DENND5B: variants seen among roughly 807,000 people sequenced by gnomAD.
DENND5B encodes DENN domain containing 5B.
A neutral mutation model predicts 140.6 loss-of-function variants in DENND5B; 34 were observed. That is an observed-to-expected ratio of 0.24 (90% CI 0.18 to 0.32). The LOEUF is 0.32. Among genes scored for constraint, DENND5B ranks in the 10% least tolerant of loss-of-function variants. DENND5B has a pLI of 1.00. For synonymous variants in DENND5B, 551 were observed against 562.1 expected, an observed-to-expected ratio of 0.98 and a Z score of 0.28; for missense variants, 1,142 against 1,560.2, an observed-to-expected ratio of 0.73 and a Z score of 4.52.
At chr12:31,540,869 C>G (rs1204815348) in intron 1 of DENND5B, 3 of 328,794 alleles carry the variant, frequency 9.1e-6, no homozygotes, top group East Asian at 1.7e-4. Context: ...ACCAGTGAAA[C>G]AGTCTAATAA....
rs565569231 is a variant in DENND5B, at chr12:31,523,049, C to CT, written c.128-27131dup. 4.6e-4 allele frequency among the ~76,000 whole-genome samples: 67 copies of CT among 146,098 alleles called. No individual in the cohort carries two copies. The South Asian group carries it at 5.7e-3, about 12-fold the overall frequency. On this transcript the variant is annotated intron_variant, in intron 1 of 20. Coordinates refer to ENST00000389082, the MANE Select transcript of DENND5B (RefSeq NM_144973.4). ...AGGAGGGAAGGTGAGATAAATGTGC[C>CT]TTTTTTTTTCCTTTTTTTTTTTTTT...
intron 1 of DENND5B, among the ~76,000 whole-genome samples, chr12:31,564,802 T>C (rs150748701): frequency 2.5e-4 from 38 of 151,574 alleles, no homozygotes; most frequent in African/African-American, 9.0e-4. Flanking sequence ...TTGCCCAGGC[T>C]GGTCTCACAC....
At chr12:31,571,378 T>C (rs1565707220) in intron 1 of DENND5B, among the ~76,000 whole-genome samples, 1 of 151,912 alleles carries the variant, frequency 6.6e-6, no homozygotes, top group Non-Finnish European at 1.5e-5. Context: ...CCCCTTTCCA[T>C]AGAAAAAAAA....
rs1438969950 is a variant in DENND5B, at chr12:31,439,926, T to C, written c.2012+2849A>G. Among the ~76,000 whole-genome samples, 4 of 36,042 alleles carry C rather than the reference T, an allele frequency of 1.1e-4. No individual in the cohort carries two copies. In the Admixed American group the frequency reaches 2.1e-3, roughly 19 times the overall value. The allele number at this position is 36,042 out of a possible 152,430, so 23.6% of individuals were successfully genotyped here. The stretch of plus-strand genomic sequence containing the variant: ...GCCTGGGCAACAGAGGGAGACTCCG[T>C]CTCAAAAAAAAAAAAAAAAAAAAAA... On this transcript the variant is annotated intron_variant, in intron 7 of 20. Transcript: ENST00000389082.
At chr12:31,494,181 T>C (rs76913516) in intron 2 of DENND5B, among the ~76,000 whole-genome samples, 4,731 of 84,564 alleles carry the variant, frequency 0.056, 78 homozygotes, top group East Asian at 0.086. Flanking sequence ...TCTATCTATC[T>C]ATCCATCCAT....
chr12:31,430,241 TC>T (rs1465480200), intron 8 of DENND5B, among the ~76,000 whole-genome samples: 1 of 148,396 alleles, frequency 6.7e-6, no homozygotes, highest in Non-Finnish European at 1.5e-5. Context: ...CAGGCTGGAC[TC>T]GAACTCTTGT....
intron 6 of DENND5B, among the ~76,000 whole-genome samples, chr12:31,445,264 T>TA (rs1944226966): frequency 1.3e-5 from 2 of 152,350 alleles, no homozygotes; most frequent in South Asian, 4.1e-4. Flanking sequence ...AACATGATGT[T>TA]AAGGCTTCCT....
At chr12:31,490,156 G>A (rs1946468959) in intron 2 of DENND5B, among the ~76,000 whole-genome samples, 1 of 151,738 alleles carries the variant, frequency 6.6e-6, no homozygotes, top group South Asian at 2.1e-4. Flanking sequence ...AAGACTGGTG[G>A]GACGAATAAT....
At position 31,479,664 on chromosome 12, in the gene DENND5B, G is replaced by T; in HGVS notation, c.829C>A (p.Leu277Ile). The change falls in exon 3 of 21, where the codon CTC becomes ATC. Residue 277 changes from leucine to isoleucine, a missense_variant. Around this residue, in one of 5 missense-constraint regions of DENND5B, gnomAD observed 708 missense variants for 905.5 expected, o/e 0.78. Coordinates refer to ENST00000389082, the MANE Select transcript of DENND5B (RefSeq NM_144973.4). ...TGCACCAGGTTCTCTAATCCCAGGA[G>T]CTCAAATGCCTCCCGAAGGGGGTAA... ...SDYPLREAFELLGLENLVQVF... is the reference protein window; with the variant it reads ...SDYPLREAFEILGLENLVQVF... 1 of 1,575,370 alleles carries T rather than the reference G, an allele frequency of 6.3e-7. No homozygotes were observed. The highest frequency in any genetic ancestry group is 8.6e-7 in the Non-Finnish European group (1 of 1,161,322).
At chr12:31,402,249 G>C (rs1156897394) in intron 15 of DENND5B, among the ~76,000 whole-genome samples, 1 of 151,686 alleles carries the variant, frequency 6.6e-6, no homozygotes, top group Non-Finnish European at 1.5e-5. Context: ...AAAATAGTAG[G>C]AGAAGACCTA....
intron 13 of DENND5B, among the ~76,000 whole-genome samples, chr12:31,411,728 C>T (rs1051154365): frequency 1.3e-5 from 2 of 152,136 alleles, no homozygotes; most frequent in African/African-American, 4.8e-5. Flanking sequence ...ACACTTCATG[C>T]TTTATCAAAC....
At chr12:31,493,350 T>A (rs73295676) in intron 2 of DENND5B, among the ~76,000 whole-genome samples, 17,066 of 152,230 alleles carry the variant, frequency 0.11, 1,139 homozygotes, top group East Asian at 0.25. Flanking sequence ...TTAATTTCCT[T>A]CTGTTAGATT....
At chr12:31,460,508 T>A (rs1046508142) in intron 3 of DENND5B, 127 bp from the exon 4 acceptor site, 1 of 831,172 alleles carries the variant, frequency 1.2e-6, no homozygotes, top group Non-Finnish European at 1.8e-6. Context: ...TTTATGATCA[T>A]ACAGAAAATA....
intron 1 of DENND5B, among the ~76,000 whole-genome samples, chr12:31,579,432 G>T (rs1048193941): frequency 1.1e-4 from 17 of 152,124 alleles, no homozygotes; most frequent in African/African-American, 4.1e-4. Flanking sequence ...GTAGCCGAGG[G>T]GGGTGATCAC....
intron 1 of DENND5B, among the ~76,000 whole-genome samples, chr12:31,553,408 T>C (rs954365805): frequency 1.3e-5 from 2 of 152,242 alleles, no homozygotes; most frequent in East Asian, 1.9e-4. Context: ...CCTAGTTTGA[T>C]TGCACTGTGG....
At chr12:31,454,921 C>G (rs1944704615) in intron 4 of DENND5B, among the ~76,000 whole-genome samples, 1 of 148,746 alleles carries the variant, frequency 6.7e-6, no homozygotes. Context: ...TGGGTTCACG[C>G]CATTCTCCTG....
At chr12:31,567,458 C>T (rs977392203) in intron 1 of DENND5B, among the ~76,000 whole-genome samples, 1 of 147,212 alleles carries the variant, frequency 6.8e-6, no homozygotes, top group African/African-American at 2.5e-5. Context: ...ACAGCCTCCT[C>T]AGAGGTTGCA....
At chr12:31,468,099 T>A (rs2138367034) in intron 3 of DENND5B, among the ~76,000 whole-genome samples, 1 of 151,822 alleles carries the variant, frequency 6.6e-6, no homozygotes, top group South Asian at 2.1e-4. Flanking sequence ...AAAAAAAATT[T>A]AAAAATTGGC....
Position 31,424,655 on chromosome 12 carries a change from A to G in DENND5B, c.2271T>C (p.His757=), listed in dbSNP as rs747177517. The G allele has an allele frequency of 6.2e-6, 10 of 1,613,840 alleles. No individual in the cohort carries two copies. The Admixed American group carries it at 1.7e-4, about 27-fold the overall frequency. The change falls in exon 10 of 21, where the codon CAT becomes CAC. Residue 757 remains histidine, a synonymous_variant. Transcript: ENST00000389082. ...TKRMLVEKMG[H]EAVELGHGEA... ...CTCCATGGCCAAGTTCCACCGCTTC[A>G]TGTCCCATCTTCTCCACCAACATGC...
Sources: gnomAD v4.1 joint callset for allele counts (sites outside exome capture counted in the v4.1 genomes callset) on GRCh38, gnomAD v4.1.1 for gene constraint, gnomAD v4.1.1 regional missense constraint, MANE v1.5 for transcripts, NCBI Gene and HGNC (gene_info 2026-07-23, HGNC 2026-07-21) for gene names.